The following DNAH2 variants were observed in gnomAD, a reference collection of about 807,000 sequenced individuals.
DNAH2 encodes the protein dynein axonemal heavy chain 2.
Under a neutral mutation model 523.5 loss-of-function variants are expected in DNAH2, and 323 were observed. The observed-to-expected ratio is 0.62, with a 90% CI of 0.56 to 0.68. The LOEUF (loss-of-function observed/expected upper bound fraction) is 0.68, where lower values mean the gene tolerates loss of function less well. Ranked by LOEUF, DNAH2 falls within the 30% of genes least tolerant of loss-of-function variation. The pLI is 0.00. For synonymous variants in DNAH2, 2,093 were observed against 2,177.4 expected, an observed-to-expected ratio of 0.96 and a Z score of 1.08; for missense variants, 4,907 against 5,701.5, an observed-to-expected ratio of 0.86 and a Z score of 4.49.
intron 7 of DNAH2, among the ~76,000 whole-genome samples, chr17:7,735,136 TA>T: frequency 6.6e-6 from 1 of 152,322 alleles, no homozygotes; most frequent in Non-Finnish European, 1.5e-5. Context: ...TTTTCTTTTT[TA>T]TTATTATTTT....
intron 50 of DNAH2, 122 bp downstream of exon 50, chr17:7,796,774 GC>G: frequency 8.8e-7 from 1 of 1,131,400 alleles, no homozygotes; most frequent in Non-Finnish European, 1.2e-6. Flanking sequence ...ATGCTGAAGT[GC>G]CACACTCCCT....
chr17:7,786,702 G>A lies in DNAH2; in HGVS notation c.6466+15G>A, dbSNP rs200374335. ...GGCATGTGCAGGTATCCAGAGGATC[G>A]TGGGGTGTGGAGAGCAGACGCCTGA... On this transcript the variant is annotated intron_variant, in intron 41 of 85. Coordinates refer to ENST00000572933, the MANE Select transcript of DNAH2 (RefSeq NM_020877.5). This position sits in a 1 kb window ranked among gnomAD's most constrained non-coding sequence, Gnocchi z 7.5. 79 of 1,612,954 alleles carry A rather than the reference G, an allele frequency of 4.9e-5. No individual in the cohort carries two copies. Among genetic ancestry groups the A allele is most frequent in the Admixed American group, 8.3e-5 (5 of 60,006 alleles).
intron 9 of DNAH2, 128 bp downstream of exon 9, chr17:7,740,066 CG>C (rs35897432): frequency 0.027 from 7,394 of 274,916 alleles, 6 homozygotes; most frequent in Middle Eastern, 0.036. Flanking sequence ...GGCGGTGGCC[CG>C]GGGGGGGGGA....
chr17:7,755,043 A>T (rs1395307848), intron 12 of DNAH2: 5 of 306,808 alleles, frequency 1.6e-5, no homozygotes, highest in Non-Finnish European at 3.0e-5. Context: ...CCTATCATAA[A>T]TGGGAGAAAT....
chr17:7,790,871 T>TTTGTTG (rs141952195), intron 44 of DNAH2, among the ~76,000 whole-genome samples: 1 of 151,652 alleles, frequency 6.6e-6, no homozygotes. Context: ...CATGCCTGGC[T>TTTGTTG]TTGTTGTTGT....
chr17:7,775,450 C>T, intron 30 of DNAH2, 108 bp downstream of exon 30: 1 of 1,032,770 alleles, frequency 9.7e-7, no homozygotes, highest in Non-Finnish European at 1.4e-6. Context: ...CTTTGGGAGG[C>T]TGAGGTGGGC....
chr17:7,762,338 T>C (rs1489497211), intron 18 of DNAH2, among the ~76,000 whole-genome samples: 5 of 147,610 alleles, frequency 3.4e-5, no homozygotes, highest in Admixed American at 1.3e-4. Flanking sequence ...TTTCTTTTTT[T>C]TTTTTTTTTT....
Position 7,787,018 on chromosome 17 carries a change from C to A in DNAH2, c.6588C>A (p.Ile2196=). The change falls in exon 42 of 86, where the codon ATC becomes ATA. Residue 2196 remains isoleucine (I), a synonymous_variant. Transcript: ENST00000572933. ...KVLTLINGER[I]AMPEQVSLLF... is the part of the protein sequence containing the mutation. The stretch of plus-strand genomic sequence containing the variant: ...TGACCCTCATCAACGGCGAGCGCAT[C>A]GCGATGCCCGAGCAGGTCAGGGACG... The A allele has an allele frequency of 6.2e-7, 1 of 1,614,092 alleles. No homozygotes were observed. The highest frequency in any genetic ancestry group is 8.5e-7 in the Non-Finnish European group (1 of 1,180,032).
chr17:7,799,077 T>C, intron 55 of DNAH2, 26 bp from the exon 56 acceptor site: 2 of 1,612,974 alleles, frequency 1.2e-6, no homozygotes, highest in Non-Finnish European at 1.7e-6. Flanking sequence ...ACGCCAGCCC[T>C]CTGACCCTGG....
intron 33 of DNAH2, 115 bp downstream of exon 33, chr17:7,777,749 A>G (rs1275341141): frequency 7.6e-7 from 1 of 1,318,606 alleles, no homozygotes; most frequent in African/African-American, 1.5e-5. Flanking sequence ...GTCCTGTCCC[A>G]CTACCCTAAT....
chr17:7,786,259 G>A lies in DNAH2; in HGVS notation c.6265G>A (p.Gly2089Ser), dbSNP rs1160862065. 17 of 1,613,898 alleles carry A rather than the reference G, an allele frequency of 1.1e-5. No individual in the cohort carries two copies. Among genetic ancestry groups the A allele is most frequent in the African/African-American group, 5.3e-5 (4 of 74,892 alleles). Reference protein sequence around the residue: ...STMIVGCTGSGKTASWRILQA... With the variant: ...STMIVGCTGSSKTASWRILQA... ...CATGATCGTGGGCTGCACGGGCAGC[G>A]GCAAGACTGCCTCATGGCGCATTCT... Residue 2089 changes from glycine (G) to serine (S), a missense_variant, in exon 40 of 86, where the codon GGC (glycine) becomes AGC (serine). Around this residue, in one of 3 missense-constraint regions of DNAH2, gnomAD observed 2,806 missense variants for 3,190.8 expected, o/e 0.88. Transcript: ENST00000572933. The surrounding 1 kb of genome is among the most constrained non-coding windows in gnomAD (Gnocchi z 7.5).
rs1165339074 is a variant in DNAH2, at chr17:7,807,276, C to G, written c.9569C>G (p.Ser3190Cys). ...DFQPDIIGRVSLAAKSLCMWV... is the reference protein window; with the variant it reads ...DFQPDIIGRVCLAAKSLCMWV... Reference sequence around the variant, plus strand: ...CAGCCTGATATCATCGGCCGCGTCTCCCTGGCTGCCAAGTCCCTCTGCATG... The same window carrying G: ...CAGCCTGATATCATCGGCCGCGTCTGCCTGGCTGCCAAGTCCCTCTGCATG... The change falls in exon 62 of 86, where the codon TCC (serine) becomes TGC (cysteine). Residue 3190 changes from serine (S) to cysteine (C), a missense_variant. Transcript: ENST00000572933. The surrounding 1 kb of genome is among the most constrained non-coding windows in gnomAD (Gnocchi z 5.6). 2 of 1,613,846 alleles carry G rather than the reference C, an allele frequency of 1.2e-6. No individual in the cohort carries two copies. Among genetic ancestry groups the G allele is most frequent in the South Asian group, 1.1e-5 (1 of 91,078 alleles).
chr17:7,799,168 C>G lies in DNAH2; in HGVS notation c.8625C>G (p.Phe2875Leu), dbSNP rs369913765. ...TGCCTGAGTCATCGGACAGCCTCTT[C>G]GCCTACCTCATTGAACGCGTGCAGA... ...EQVPESSDSL[F>L]AYLIERVQNN... Residue 2875 changes from phenylalanine (F) to leucine (L), a missense_variant, in exon 56 of 86, where the codon TTC (phenylalanine) becomes TTG (leucine). Phe to Leu is a conservative substitution (Grantham distance 22). This residue lies in a region of DNAH2 where 1,851 missense variants were observed against 2,139.4 expected (regional missense o/e 0.87). Coordinates refer to ENST00000572933, the MANE Select transcript of DNAH2 (RefSeq NM_020877.5). 1.9e-6 allele frequency: 3 copies of G among 1,614,206 alleles called. No homozygotes were observed. The highest frequency in any genetic ancestry group is 2.5e-6 in the Non-Finnish European group (3 of 1,180,044).
chr17:7,831,378 C>G lies in DNAH2; in HGVS notation c.12460-12C>G, dbSNP rs369383953. 2.5e-5 allele frequency: 40 copies of G among 1,614,028 alleles called. No homozygotes were observed. The highest frequency in any genetic ancestry group is 2.9e-5 in the Non-Finnish European group (34 of 1,180,038). Reference sequence around the variant, plus strand: ...AAGAGGGGGCTACACTCAAGAGCTCCTGCCTGCTCAGGTCCTTGAGTTGGC... The same window carrying G: ...AAGAGGGGGCTACACTCAAGAGCTCGTGCCTGCTCAGGTCCTTGAGTTGGC... On this transcript the variant is annotated splice_polypyrimidine_tract_variant and intron_variant, in intron 80 of 85. Coordinates refer to ENST00000572933, the MANE Select transcript of DNAH2 (RefSeq NM_020877.5). The surrounding 1 kb of genome is among the most constrained non-coding windows in gnomAD (Gnocchi z 4.2).
chr17:7,745,965 C>T (rs921444508), intron 12 of DNAH2, among the ~76,000 whole-genome samples: 10 of 152,072 alleles, frequency 6.6e-5, no homozygotes, highest in South Asian at 4.1e-4. Context: ...TGACCTCAGG[C>T]GGGCCATTGA....
chr17:7,830,847 G>T lies in DNAH2; in HGVS notation c.12230+5G>T, dbSNP rs1345189958. The T allele has an allele frequency of 1.2e-6, 2 of 1,613,840 alleles. No homozygotes were observed. Among genetic ancestry groups the T allele is most frequent in the Non-Finnish European group, 1.7e-6 (2 of 1,179,968 alleles). On this transcript the variant is annotated splice_donor_5th_base_variant and intron_variant, in intron 79 of 85. Coordinates refer to ENST00000572933, the MANE Select transcript of DNAH2 (RefSeq NM_020877.5). Reference sequence around the variant, plus strand: ...TCTATCAACTCCCTTCCACCGGTGAGGGGGAGGTGGCCCTGGACAGGGAGC... The same window carrying T: ...TCTATCAACTCCCTTCCACCGGTGATGGGGAGGTGGCCCTGGACAGGGAGC...
Position 7,778,342 on chromosome 17 carries a change from C to A in DNAH2, c.5414C>A (p.Ala1805Glu). Residue 1805 changes from alanine (A) to glutamate (E), a missense_variant, in exon 35 of 86, where the codon GCA (alanine) becomes GAA (glutamate). Physicochemically the swap from Ala to Glu is moderately radical, Grantham distance 107. Around this residue, in one of 3 missense-constraint regions of DNAH2, gnomAD observed 2,806 missense variants for 3,190.8 expected, o/e 0.88. Transcript: ENST00000572933. ...LHRGGSPKGP[A>E]GTGKTETVKD... ...CGAGGGGGCTCCCCCAAAGGCCCTGCAGGCACAGGCAAGACCGAGACCGTC... is the reference window on the plus strand; with the variant it reads ...CGAGGGGGCTCCCCCAAAGGCCCTGAAGGCACAGGCAAGACCGAGACCGTC... 1 of 1,614,218 alleles carries A rather than the reference C, an allele frequency of 6.2e-7. No homozygotes were observed. The highest frequency in any genetic ancestry group is 8.5e-7 in the Non-Finnish European group (1 of 1,180,036).
chr17:7,764,324 T>A, intron 20 of DNAH2, 51 bp downstream of exon 20: 1 of 1,555,624 alleles, frequency 6.4e-7, no homozygotes, highest in Non-Finnish European at 8.7e-7. Flanking sequence ...AGCAGCAGAT[T>A]GCGGGGGAGG....
chr17:7,816,811 G>T, intron 64 of DNAH2, 76 bp downstream of exon 64: 1 of 1,552,994 alleles, frequency 6.4e-7, no homozygotes, highest in Admixed American at 1.9e-5. Flanking sequence ...TTTAGCTTGA[G>T]GAGCAGTCAG....
Sources: allele counts gnomAD v4.1 joint callset (sites outside exome capture counted in the v4.1 genomes callset), GRCh38; gene constraint gnomAD v4.1.1; regional missense constraint gnomAD v4.1.1; non-coding constraint Gnocchi (gnomAD v3.1); transcripts MANE v1.5; gene names NCBI Gene and HGNC (gene_info 2026-07-23, HGNC 2026-07-21).